The following ADGRL1 variants were observed in gnomAD, a reference collection of about 807,000 sequenced individuals.
ADGRL1 encodes adhesion G protein-coupled receptor L1.
In ADGRL1, 31 loss-of-function variants were observed where a neutral mutation model predicts 148.9. The observed-to-expected ratio is 0.21, with a 90% CI of 0.16 to 0.28. The LOEUF is 0.28. Ranked by LOEUF, ADGRL1 falls within the 10% of genes least tolerant of loss-of-function variation. The probability of loss-of-function intolerance (pLI) is 1.00; values close to 1 mark genes in which losing one functional copy is unlikely to be tolerated. For missense variants in ADGRL1, 1,521 were observed against 2,058.8 expected, an observed-to-expected ratio of 0.74 and a Z score of 5.05; for synonymous variants, 937 against 900.3, an observed-to-expected ratio of 1.04 and a Z score of -0.73.
chr19:14,156,234 G>A, intron 16 of ADGRL1, 33 bp from the exon 17 acceptor site: 3 of 1,516,182 alleles, frequency 2.0e-6, no homozygotes, highest in Non-Finnish European at 2.7e-6. Context: ...GCTGGGCTGA[G>A]AGTGGCCCTG....
In ADGRL1 at chr19:14,163,282, G is replaced by A. The variant is rs776002974; in HGVS notation, c.519C>T (p.Pro173=). 1.2e-6 allele frequency: 2 copies of A among 1,613,708 alleles called. No homozygotes were observed. The highest frequency in any genetic ancestry group is 1.7e-6 in the Non-Finnish European group (2 of 1,180,024). Residue 173 remains proline (P), a synonymous_variant, in exon 5 of 23, where the codon CCC becomes CCT. Transcript: ENST00000361434. ...LQAGDRIYVM[P]WIPYRTDTLT... is the part of the protein sequence containing the mutation. ...GTGTGTCCGTGCGGTAGGGGATCCA[G>A]GGCATCACGTAGATGCGGTCACCCG...
At position 14,159,984 on chromosome 19, in the gene ADGRL1, G is replaced by GGTC; in HGVS notation, c.1800+125_1800+127dup. The GGTC allele has an allele frequency of 2.8e-6, 3 of 1,078,372 alleles. No individual in the cohort carries two copies. Among genetic ancestry groups the GGTC allele is most frequent in the Non-Finnish European group, 4.0e-6 (3 of 757,320 alleles). 66.8% of individuals were successfully genotyped at this position (1,078,372 alleles called of 1,614,324 possible). A position where few individuals can be genotyped will look rare whatever the true frequency, so the allele number is the denominator to read the frequency against. On this transcript the variant is annotated intron_variant, in intron 8 of 22. Transcript: ENST00000361434. The surrounding 1 kb of genome is among the most constrained non-coding windows in gnomAD (Gnocchi z 6.0). Reference sequence around the variant, plus strand: ...CGGCAGTCCTTGGCGGAGAGGGGGGGGTCCTTCCTCTCTGAGGAAAGGAGT... The same window carrying GGTC: ...CGGCAGTCCTTGGCGGAGAGGGGGGGGTCGTCCTTCCTCTCTGAGGAAAGGAGT...
chr19:14,162,689 G>A lies in ADGRL1; in HGVS notation c.1112C>T (p.Pro371Leu). Residue 371 changes from proline (P) to leucine (L), a missense_variant, in exon 5 of 23, where the codon CCT becomes CTT. This residue lies in a region of ADGRL1 where 270 missense variants were observed against 320.4 expected (regional missense o/e 0.84). Coordinates refer to ENST00000361434, the MANE Select transcript of ADGRL1 (RefSeq NM_014921.5). This position sits in a 1 kb window ranked among gnomAD's most constrained non-coding sequence, Gnocchi z 5.4. The stretch of plus-strand genomic sequence containing the variant: ...CCAGACGTACAGCTGGTTGTCGCGA[G>A]GGTTGTAGTCAACGGAGGAGATGAA... ...YQFISSVDYN[P>L]RDNQLYVWNN... 5.0e-6 allele frequency: 8 copies of A among 1,614,166 alleles called. No homozygotes were observed. The highest frequency in any genetic ancestry group is 6.8e-6 in the Non-Finnish European group (8 of 1,180,010).
chr19:14,161,548 G>A lies in ADGRL1; in HGVS notation c.1274C>T (p.Ala425Val). ...GGGTGCCCGGCGGAGCGGGGTGGTG[G>A]CTGCGGGCGAGGCTGTGCTGGTGAG... Reference protein sequence around the residue: ...TPLTSTASPAATTPLRRAPLT... With the variant: ...TPLTSTASPAVTTPLRRAPLT... Residue 425 changes from alanine (A) to valine (V), a missense_variant, in exon 6 of 23, where the codon GCC becomes GTC. This residue lies in a region of ADGRL1 where 270 missense variants were observed against 320.4 expected (regional missense o/e 0.84). Coordinates refer to ENST00000361434, the MANE Select transcript of ADGRL1 (RefSeq NM_014921.5). This position sits in a 1 kb window ranked among gnomAD's most constrained non-coding sequence, Gnocchi z 4.4. 2 of 1,454,844 alleles carry A rather than the reference G, an allele frequency of 1.4e-6. No homozygotes were observed. Among genetic ancestry groups the A allele is most frequent in the Non-Finnish European group, 1.8e-6 (2 of 1,104,746 alleles). The allele number at this position is 1,454,844 out of a possible 1,614,324, so 90.1% of individuals were successfully genotyped here.
chr19:14,193,540 T>C (rs574798125), intron 1 of ADGRL1, among the ~76,000 whole-genome samples: 2 of 151,572 alleles, frequency 1.3e-5, no homozygotes, highest in Non-Finnish European at 1.5e-5. Flanking sequence ...TGAGCTCTGA[T>C]TGCACCATTG....
Position 14,156,915 on chromosome 19 carries a change from G to A in ADGRL1, c.2966+10C>T. 2 of 1,607,572 alleles carry A rather than the reference G, an allele frequency of 1.2e-6. No individual in the cohort carries two copies. The highest frequency in any genetic ancestry group is 8.5e-7 in the Non-Finnish European group (1 of 1,179,180). On this transcript the variant is annotated intron_variant, in intron 15 of 22. Transcript: ENST00000361434. Reference sequence around the variant, plus strand: ...GTGGGAGGGTGCAGGGCTGGGAGGTGGAAACTCACGCCTTCTCGGTGCCGT... The same window carrying A: ...GTGGGAGGGTGCAGGGCTGGGAGGTAGAAACTCACGCCTTCTCGGTGCCGT...
chr19:14,170,971 G>A (rs927431173), intron 3 of ADGRL1, 180 bp from the exon 4 acceptor site: 1 of 561,486 alleles, frequency 1.8e-6, no homozygotes, highest in Admixed American at 3.0e-5. Context: ...GTTGAATTGT[G>A]ATCTCCAGTG....
rs61741129 is a variant in ADGRL1, at chr19:14,156,968, T to C, written c.2923A>G (p.Ile975Val). The C allele has an allele frequency of 1.4e-3, 2,295 of 1,613,302 alleles. 5 individuals carry two copies. The highest frequency in any genetic ancestry group is 1.8e-3 in the Non-Finnish European group (2,074 of 1,179,924). Residue 975 changes from isoleucine (I) to valine (V), a missense_variant, in exon 15 of 23, where the codon ATC becomes GTC. By Grantham distance (29) the Ile-to-Val change is conservative. Coordinates refer to ENST00000361434, the MANE Select transcript of ADGRL1 (RefSeq NM_014921.5). ...GYCFPALVVG[I>V]AAAIDYRSYG... ...CTGCGGTAGTCAATGGCAGCCGCGA[T>C]GCCCACCACCAGGGCCGGGAAGCAG...
chr19:14,191,318 A>G, intron 1 of ADGRL1: 1 of 456,658 alleles, frequency 2.2e-6, no homozygotes, highest in Non-Finnish European at 4.4e-6. Context: ...CTGCCTGTGC[A>G]TCCCTTGCCA....
intron 4 of ADGRL1, among the ~76,000 whole-genome samples, chr19:14,168,285 A>T (rs1011059805): frequency 6.6e-5 from 10 of 152,198 alleles, no homozygotes; most frequent in Non-Finnish European, 1.5e-4. Context: ...GGAGATGCTC[A>T]GTGAACATTT....
At chr19:14,195,640 C>T (rs1972212627) in intron 1 of ADGRL1, among the ~76,000 whole-genome samples, 1 of 152,202 alleles carries the variant, frequency 6.6e-6, no homozygotes, top group Non-Finnish European at 1.5e-5. Context: ...AGGAAGCCCT[C>T]AGGCATCCGG....
At chr19:14,167,903 C>A (rs1970132166) in intron 4 of ADGRL1, among the ~76,000 whole-genome samples, 1 of 151,924 alleles carries the variant, frequency 6.6e-6, no homozygotes, top group Admixed American at 6.5e-5. Flanking sequence ...GAGCTGGGAG[C>A]TCCGCCCTGC....
At chr19:14,176,315 C>T (rs185184222) in intron 3 of ADGRL1, among the ~76,000 whole-genome samples, 1 of 152,180 alleles carries the variant, frequency 6.6e-6, no homozygotes, top group East Asian at 1.9e-4. Flanking sequence ...CGCACCACTG[C>T]ACTCCAGCCT....
chr19:14,158,482 C>T lies in ADGRL1; in HGVS notation c.2220G>A (p.Val740=). 2 of 1,614,064 alleles carry T rather than the reference C, an allele frequency of 1.2e-6. No homozygotes were observed. Among genetic ancestry groups the T allele is most frequent in the Non-Finnish European group, 8.5e-7 (1 of 1,180,034 alleles). The part of the protein sequence containing the change: ...GLFLSTENAT[V]KLAGEAGPGG... ...CCGGGCCTGCTTCGCCGGCCAGCTT[C>T]ACTGTGGCATTCTCCGTGGACAGGA... The change falls in exon 12 of 23, where the codon GTG becomes GTA. Residue 740 remains valine, a synonymous_variant. Coordinates refer to ENST00000361434, the MANE Select transcript of ADGRL1 (RefSeq NM_014921.5).
intron 4 of ADGRL1, chr19:14,167,040 G>A: frequency 6.2e-7 from 1 of 1,608,310 alleles, no homozygotes; most frequent in South Asian, 1.1e-5. Context: ...TCTACTTTAA[G>A]CATCGGAAGA....
At chr19:14,156,580 G>A in intron 16 of ADGRL1, 78 bp downstream of exon 16, 1 of 865,650 alleles carries the variant, frequency 1.2e-6, no homozygotes, top group Non-Finnish European at 1.7e-6. Context: ...GGGGGTGGGG[G>A]GCGGGGGCAG....
In ADGRL1 at chr19:14,206,026, T is replaced by G. The variant is rs1408733866; in HGVS notation, c.-137A>C. 3.3e-5 allele frequency: 5 copies of G among 151,180 alleles called. No homozygotes were observed. The highest frequency in any genetic ancestry group is 3.3e-4 in the Admixed American group (5 of 15,248). 9.4% of individuals were successfully genotyped at this position (151,180 alleles called of 1,614,324 possible). ...TGGGGTCGGCCCAGCGTGTCTCTCC[T>G]GCGGCTCGGCGAACCCGGGCCCCCC... On this transcript the variant is annotated 5_prime_UTR_variant, in exon 1 of 23. Transcript: ENST00000361434.
At position 14,155,517 on chromosome 19, in the gene ADGRL1, G is replaced by A; in HGVS notation, c.3136C>T (p.Leu1046=). ...AGGAACAGCAGCGCGATGGCCCCCA[G>A]CGCCCAGGATCTGGGAGTGGGGCGA... ...SRLDNIKSWA[L]GAIALLFLLG... is the part of the protein sequence containing the mutation. The change falls in exon 18 of 23, where the codon CTG becomes TTG. Residue 1046 remains leucine, a synonymous_variant. Transcript: ENST00000361434. This position sits in a 1 kb window ranked among gnomAD's most constrained non-coding sequence, Gnocchi z 5.0. 1 of 1,613,564 alleles carries A rather than the reference G, an allele frequency of 6.2e-7. No homozygotes were observed. Among genetic ancestry groups the A allele is most frequent in the South Asian group, 1.1e-5 (1 of 91,076 alleles).
Position 14,183,934 on chromosome 19 carries a change from A to C in ADGRL1, c.-95-237T>G, listed in dbSNP as rs1439372624. 6.6e-5 allele frequency among the ~76,000 whole-genome samples: 10 copies of C among 152,052 alleles called. 1 individual carries two copies. ...GCAAAGAGACTGCCAACTCTTCCCC[A>C]CTGGAACCTCCTGGGACAGCTCACG... On this transcript the variant is annotated intron_variant, in intron 1 of 22. Transcript: ENST00000361434.
Sources: allele counts gnomAD v4.1 joint callset (sites outside exome capture counted in the v4.1 genomes callset), GRCh38; gene constraint gnomAD v4.1.1; regional missense constraint gnomAD v4.1.1; non-coding constraint Gnocchi (gnomAD v3.1); transcripts MANE v1.5; gene names NCBI Gene and HGNC (gene_info 2026-07-23, HGNC 2026-07-21).